The following PIK3R3 variants were observed in gnomAD, a reference collection of about 807,000 sequenced individuals.
PIK3R3 encodes the protein phosphatidylinositol 3-kinase regulatory subunit gamma.
In PIK3R3, 64 loss-of-function variants were observed where a neutral mutation model predicts 62.9. The ratio of observed to expected loss-of-function variants is 1.02; its 90% confidence interval spans 0.83 to 1.25. The LOEUF is 1.25. Among genes scored for constraint, PIK3R3 ranks in the 50% most tolerant of loss-of-function variants. PIK3R3 has a pLI of 0.00. For synonymous variants in PIK3R3, 165 were observed against 189.0 expected (o/e 0.87, Z 1.04); for missense variants, 614 against 561.6 (o/e 1.09, Z -0.94).
chr1:46,071,556 C>T (rs887005531), intron 3 of PIK3R3, among the ~76,000 whole-genome samples: 9 of 150,622 alleles, frequency 6.0e-5, no homozygotes, highest in African/African-American at 9.8e-5. Context: ...ATTAGCTGGG[C>T]GTGGTGGCAC....
chr1:46,069,028 G>A (rs1459172518), intron 3 of PIK3R3, among the ~76,000 whole-genome samples: 13 of 152,210 alleles, frequency 8.5e-5, no homozygotes, highest in Admixed American at 8.5e-4. Flanking sequence ...TGGTGTCTTG[G>A]ATGAGGGTAG....
chr1:46,061,178 T>C (rs1648444059), intron 6 of PIK3R3, among the ~76,000 whole-genome samples: 1 of 152,262 alleles, frequency 6.6e-6, no homozygotes, highest in African/African-American at 2.4e-5. Flanking sequence ...CCCTAAACTC[T>C]CCTCATGTAC....
upstream of PIK3R3, among the ~76,000 whole-genome samples, chr1:46,135,653 G>A (rs1393505918): frequency 6.6e-6 from 1 of 152,116 alleles, no homozygotes. Flanking sequence ...AGAGCTCTCT[G>A]TGCCAGCAGA....
the PIK3R3 span, among the ~76,000 whole-genome samples, chr1:46,160,801 T>C: frequency 6.6e-6 from 1 of 152,128 alleles, no homozygotes; most frequent in Non-Finnish European, 1.5e-5. Flanking sequence ...CAAGATAGGA[T>C]TTCAGTGCCC....
At chr1:46,070,789 A>C (rs1006928399) in intron 3 of PIK3R3, among the ~76,000 whole-genome samples, 1 of 152,162 alleles carries the variant, frequency 6.6e-6, no homozygotes, top group Non-Finnish European at 1.5e-5. Context: ...TTTAATAATA[A>C]TGTACATGGA....
rs139622524 is a variant in PIK3R3, at chr1:46,043,807, G to T, written c.1252C>A (p.Pro418Thr). Residue 418 changes from proline (P) to threonine (T), a missense_variant, in exon 10 of 10, where the codon CCC (proline) becomes ACC (threonine). Transcript: ENST00000262741. The stretch of plus-strand genomic sequence containing the variant: ...TTCAGAGAGCTGTACAGGTTGTAGG[G>T]CTCTGCAAAGCCATAGCCCCGAGCA... ...STARGYGFAE[P>T]YNLYSSLKEL... The T allele has an allele frequency of 1.2e-6, 2 of 1,614,118 alleles. No homozygotes were observed. The highest frequency in any genetic ancestry group is 2.7e-5 in the African/African-American group (2 of 75,044).
At chr1:46,168,879 G>A in the PIK3R3 span, among the ~76,000 whole-genome samples, 1 of 152,024 alleles carries the variant, frequency 6.6e-6, no homozygotes, top group African/African-American at 2.4e-5. Context: ...TCCAGGAACA[G>A]TGGCATAGCC....
chr1:46,122,467 T>A (rs368660246), intron 1 of PIK3R3, among the ~76,000 whole-genome samples: 2 of 152,138 alleles, frequency 1.3e-5, no homozygotes, highest in East Asian at 3.9e-4. Context: ...CCTCCAGGGA[T>A]CAAGCGATTC....
chr1:46,087,599 T>C (rs904596082), intron 1 of PIK3R3, among the ~76,000 whole-genome samples: 3 of 146,448 alleles, frequency 2.0e-5, no homozygotes, highest in African/African-American at 7.7e-5. Context: ...CATCTTTTTT[T>C]TTTTTTTTTT....
At chr1:46,081,421 G>C (rs1650580644) in intron 1 of PIK3R3, among the ~76,000 whole-genome samples, 1 of 152,208 alleles carries the variant, frequency 6.6e-6, no homozygotes, top group Non-Finnish European at 1.5e-5. Flanking sequence ...CAGGAAGTGA[G>C]CAGTGGGCAA....
chr1:46,117,133 T>TA (rs1427444363), intron 1 of PIK3R3, among the ~76,000 whole-genome samples: 6 of 152,194 alleles, frequency 3.9e-5, no homozygotes, highest in Non-Finnish European at 7.3e-5. Flanking sequence ...TTTCCAAAGT[T>TA]ACTTCTGAAA....
chr1:46,137,329 C>A (rs1655967411), upstream of PIK3R3, among the ~76,000 whole-genome samples: 1 of 152,150 alleles, frequency 6.6e-6, no homozygotes, highest in Admixed American at 6.6e-5. Context: ...TAATTAAAGA[C>A]ACAATAAGCG....
intron 6 of PIK3R3, 58 bp from the exon 7 acceptor site, chr1:46,056,029 T>C: frequency 8.5e-7 from 1 of 1,173,934 alleles, no homozygotes; most frequent in Non-Finnish European, 1.2e-6. Context: ...CAGATCCTAC[T>C]GGGTGAGCAC....
At chr1:46,133,581 C>T (rs1007605350), upstream of PIK3R3, among the ~76,000 whole-genome samples, 8 of 152,186 alleles carry the variant, frequency 5.3e-5, no homozygotes, top group African/African-American at 1.7e-4. Context: ...ACCCACTTGC[C>T]ACCTTACCAC....
intron 1 of PIK3R3, among the ~76,000 whole-genome samples, chr1:46,112,196 A>T (rs759670086): frequency 7.9e-5 from 12 of 152,228 alleles, no homozygotes; most frequent in Non-Finnish European, 1.3e-4. Flanking sequence ...TTTTATAAAA[A>T]TGGGATCTTA....
intron 3 of PIK3R3, among the ~76,000 whole-genome samples, chr1:46,069,743 C>T (rs1649324449): frequency 6.6e-6 from 1 of 152,046 alleles, no homozygotes; most frequent in Non-Finnish European, 1.5e-5. Context: ...GGTCCAAGGC[C>T]TAAGCACTGG....
At chr1:46,102,751 T>A (rs1054582034) in intron 1 of PIK3R3, among the ~76,000 whole-genome samples, 15 of 139,308 alleles carry the variant, frequency 1.1e-4, no homozygotes, top group African/African-American at 3.8e-4. Flanking sequence ...TCAAAAAAAA[T>A]TTTTAAAATA....
the PIK3R3 span, among the ~76,000 whole-genome samples, chr1:46,150,138 C>T: frequency 6.6e-6 from 1 of 152,168 alleles, no homozygotes; most frequent in Non-Finnish European, 1.5e-5. Context: ...ATTCCTGAAA[C>T]CCCCATCCCT....
At chr1:46,118,649 G>T (rs955706325) in intron 1 of PIK3R3, among the ~76,000 whole-genome samples, 4 of 147,524 alleles carry the variant, frequency 2.7e-5, no homozygotes, top group Non-Finnish European at 4.5e-5. Flanking sequence ...TCTGCCTCCC[G>T]GGTTCAAGCG....
Sources: allele counts gnomAD v4.1 joint callset (sites outside exome capture counted in the v4.1 genomes callset), GRCh38; gene constraint gnomAD v4.1.1; transcripts MANE v1.5; gene names NCBI Gene and HGNC (gene_info 2026-07-23, HGNC 2026-07-21).